Variants in BANP observed in about 807,000 individuals in gnomAD.
BANP encodes the protein protein BANP.
Under a neutral mutation model 68.1 loss-of-function variants are expected in BANP, and 11 were observed. That is an observed-to-expected ratio of 0.16 (90% CI 0.10 to 0.27). The LOEUF (loss-of-function observed/expected upper bound fraction) is 0.27, where lower values mean the gene tolerates loss of function less well. Ranked by LOEUF, BANP falls within the 10% of genes least tolerant of loss-of-function variation. The pLI is 1.00. For missense variants in BANP, 504 were observed against 722.7 expected (o/e 0.70, Z 3.47); for synonymous variants, 329 against 303.2 (o/e 1.09, Z -0.88).
chr16:87,990,481 G>A (rs1310996764), intron 4 of BANP, among the ~76,000 whole-genome samples: 2 of 152,250 alleles, frequency 1.3e-5, no homozygotes, highest in East Asian at 1.9e-4. Context: ...GTTCTGGCAC[G>A]GGAGCACAAG....
chr16:88,059,870 C>T lies in BANP; in HGVS notation c.1312-5397C>T, dbSNP rs575175601. Among the ~76,000 whole-genome samples, 5 of 152,330 alleles carry T rather than the reference C, an allele frequency of 3.3e-5. No homozygotes were observed. In the South Asian group the frequency reaches 6.2e-4, roughly 19 times the overall value. On this transcript the variant is annotated intron_variant, in intron 11 of 13. Coordinates refer to ENST00000682872, the MANE Select transcript of BANP (RefSeq NM_001386991.1). ...GCCTAGGTCAGATGCACTTGAGACC[C>T]GGCATTGGGATGGAGTCACCTGGAG...
chr16:87,969,068 GT>G (rs1343597471), intron 1 of BANP, among the ~76,000 whole-genome samples: 5 of 151,896 alleles, frequency 3.3e-5, no homozygotes, highest in Non-Finnish European at 5.9e-5. Context: ...CACTGCCCTC[GT>G]CCACACTGCC....
chr16:87,972,155 C>T (rs559976191), intron 1 of BANP, among the ~76,000 whole-genome samples: 3 of 152,244 alleles, frequency 2.0e-5, no homozygotes, highest in Non-Finnish European at 4.4e-5. Context: ...GTCTTATGTG[C>T]TACTTTTTCT....
intron 1 of BANP, among the ~76,000 whole-genome samples, chr16:87,961,077 G>A (rs554613073): frequency 3.1e-4 from 47 of 152,342 alleles, no homozygotes; most frequent in Admixed American, 2.5e-3. Flanking sequence ...GATGGTCGAT[G>A]CGGGATCACG....
At chr16:87,968,984 G>C (rs1368004343) in intron 1 of BANP, among the ~76,000 whole-genome samples, 1 of 152,128 alleles carries the variant, frequency 6.6e-6, no homozygotes, top group East Asian at 1.9e-4. Flanking sequence ...GGCTGTTGTA[G>C]GTCTTCTGTA....
chr16:88,044,041 G>T (rs1419171160), intron 11 of BANP, among the ~76,000 whole-genome samples: 1 of 152,190 alleles, frequency 6.6e-6, no homozygotes, highest in Non-Finnish European at 1.5e-5. Flanking sequence ...CACTTCAGGG[G>T]GCTGGCAGGG....
At chr16:87,994,900 T>C (rs1186513155) in intron 4 of BANP, among the ~76,000 whole-genome samples, 2 of 152,250 alleles carry the variant, frequency 1.3e-5, no homozygotes, top group Non-Finnish European at 2.9e-5. Flanking sequence ...GAGGGTCCCC[T>C]GGACTTGTGA....
chr16:87,968,252 G>T (rs1468946420), intron 1 of BANP, among the ~76,000 whole-genome samples: 2 of 151,784 alleles, frequency 1.3e-5, no homozygotes, highest in Admixed American at 1.3e-4. Context: ...GGGAGACCGA[G>T]GTGGGTGGAT....
intron 13 of BANP, among the ~76,000 whole-genome samples, chr16:88,072,974 C>T (rs919996337): frequency 3.3e-5 from 5 of 152,242 alleles, no homozygotes; most frequent in East Asian, 3.9e-4. Context: ...GGGTCTGTTC[C>T]GCTCCTTTCT....
chr16:88,072,911 C>T (rs576988132), intron 13 of BANP, among the ~76,000 whole-genome samples: 33 of 152,390 alleles, frequency 2.2e-4, no homozygotes, highest in African/African-American at 7.9e-4. Context: ...CTACCTCCAG[C>T]CTGGTGGTTG....
chr16:88,043,389 C>A (rs1280679541), intron 11 of BANP, among the ~76,000 whole-genome samples: 1 of 152,180 alleles, frequency 6.6e-6, no homozygotes, highest in Non-Finnish European at 1.5e-5. Context: ...CCTTCGTCAG[C>A]TGACTACACT....
chr16:87,965,991 G>A (rs1279354047), intron 1 of BANP, among the ~76,000 whole-genome samples: 1 of 152,204 alleles, frequency 6.6e-6, no homozygotes, highest in Non-Finnish European at 1.5e-5. Context: ...TGTCTTGGAT[G>A]TGTTGGCACA....
intron 6 of BANP, among the ~76,000 whole-genome samples, chr16:88,017,778 G>C (rs2074932465): frequency 6.6e-6 from 1 of 152,214 alleles, no homozygotes; most frequent in Non-Finnish European, 1.5e-5. Context: ...GCCTGTCCAC[G>C]GGTCCTTGCT....
intron 2 of BANP, among the ~76,000 whole-genome samples, chr16:87,978,988 C>G (rs2062745771): frequency 6.6e-6 from 1 of 152,194 alleles, no homozygotes; most frequent in Non-Finnish European, 1.5e-5. Context: ...AAATCAAAGA[C>G]CAAAATCGGT....
intron 11 of BANP, among the ~76,000 whole-genome samples, chr16:88,053,262 C>G (rs1222697203): frequency 6.6e-6 from 1 of 151,704 alleles, no homozygotes; most frequent in Admixed American, 6.5e-5. Flanking sequence ...CCCCCACCTC[C>G]TTCACTATCA....
At chr16:87,951,085 TG>T (rs1376589519), upstream of BANP, among the ~76,000 whole-genome samples, 1 of 152,158 alleles carries the variant, frequency 6.6e-6, no homozygotes, top group African/African-American at 2.4e-5. Flanking sequence ...CCCGAATGCA[TG>T]GCTCCCAGCT....
intron 1 of BANP, among the ~76,000 whole-genome samples, chr16:87,954,643 C>T (rs1242910647): frequency 6.6e-6 from 1 of 152,216 alleles, no homozygotes; most frequent in Non-Finnish European, 1.5e-5. Flanking sequence ...CTCTCCTGTG[C>T]GGGACCGACT....
chr16:87,965,652 C>T (rs1005741126), intron 1 of BANP, among the ~76,000 whole-genome samples: 2 of 152,108 alleles, frequency 1.3e-5, no homozygotes, highest in African/African-American at 4.8e-5. Flanking sequence ...GCATCAGGCG[C>T]ACCTGAGGTT....
intron 1 of BANP, among the ~76,000 whole-genome samples, chr16:87,967,215 C>T (rs577860073): frequency 6.7e-6 from 1 of 149,480 alleles, no homozygotes; most frequent in Non-Finnish European, 1.5e-5. Context: ...AGAAACTTTG[C>T]AAAGTTTTGT....
Sources: allele counts gnomAD v4.1 joint callset (sites outside exome capture counted in the v4.1 genomes callset), GRCh38; gene constraint gnomAD v4.1.1; transcripts MANE v1.5; gene names NCBI Gene and HGNC (gene_info 2026-07-23, HGNC 2026-07-21).